Variants in NEK10 observed in about 807,000 individuals in gnomAD.
NEK10 encodes the protein NIMA related kinase 10.
In NEK10, 122 loss-of-function variants were observed where a neutral mutation model predicts 159.8. The ratio of observed to expected loss-of-function variants is 0.76; its 90% CI spans 0.66 to 0.89. The LOEUF is 0.89. Ranked by LOEUF, NEK10 falls within the 40% of genes least tolerant of loss-of-function variation. NEK10 has a pLI of 0.00. For missense variants in NEK10, 1,342 were observed against 1,323.1 expected (o/e 1.01, Z -0.22); for synonymous variants, 466 against 457.1 (o/e 1.02, Z -0.25).
At position 27,286,539 on chromosome 3, in the gene NEK10, G is replaced by A. The variant is rs192220773; in HGVS notation, c.1789+1159C>T. The stretch of plus-strand genomic sequence containing the variant: ...TGGGATTACAGGCGCCTGCCACCAC[G>A]CCCAGCTTTTTTTTTTTTTTTTTTT... On this transcript the variant is annotated intron_variant, in intron 20 of 35. Coordinates refer to ENST00000691995, the MANE Select transcript of NEK10 (RefSeq NM_001394966.1). Among the ~76,000 whole-genome samples the A allele has an allele frequency of 9.1e-3, 1,050 of 115,834 alleles. 16 individuals are homozygous for A. Among genetic ancestry groups the A allele is most frequent in the African/African-American group, 0.037 (966 of 25,840 alleles). The allele number at this position is 115,834 out of a possible 152,430, so 76.0% of individuals were successfully genotyped here. A position where few individuals can be genotyped will look rare whatever the true frequency, so the allele number is the denominator to read the frequency against.
At chr3:27,312,912 C>A (rs1038454056) in intron 7 of NEK10, among the ~76,000 whole-genome samples, 1 of 151,966 alleles carries the variant, frequency 6.6e-6, no homozygotes, top group South Asian at 2.1e-4. Flanking sequence ...AAATTGCCAC[C>A]AACTTAATCT....
intron 23 of NEK10, among the ~76,000 whole-genome samples, chr3:27,213,771 C>G (rs138864884): frequency 1.3e-5 from 2 of 152,068 alleles, no homozygotes; most frequent in South Asian, 2.1e-4. Context: ...TAGCATCACA[C>G]GACAGATAGC....
intron 23 of NEK10, among the ~76,000 whole-genome samples, chr3:27,220,976 G>T (rs1442722548): frequency 6.6e-6 from 1 of 152,110 alleles, no homozygotes; most frequent in African/African-American, 2.4e-5. Context: ...ACATGCAAAA[G>T]GATGAAGTTG....
At chr3:27,273,735 A>G (rs752471686) in intron 22 of NEK10, among the ~76,000 whole-genome samples, 1 of 152,202 alleles carries the variant, frequency 6.6e-6, no homozygotes, top group Non-Finnish European at 1.5e-5. Context: ...CAACTGTGAA[A>G]CAGGCCAGAA....
At chr3:27,119,623 C>T (rs569228827) in intron 33 of NEK10, 137 bp downstream of exon 33, 26 of 608,804 alleles carry the variant, frequency 4.3e-5, no homozygotes, top group African/African-American at 3.7e-4. Flanking sequence ...ACCATATGTG[C>T]CTTCCAACTA....
Position 27,300,314 on chromosome 3 carries a change from C to T in NEK10, c.1168+1382G>A, listed in dbSNP as rs1285040654. 2.6e-5 allele frequency among the ~76,000 whole-genome samples: 4 copies of T among 152,020 alleles called. No individual in the cohort carries two copies. In the South Asian group the frequency reaches 8.3e-4, roughly 32 times the overall value. On this transcript the variant is annotated intron_variant, in intron 13 of 35. Transcript: ENST00000691995. ...TGAAAGTGCATGGAGTTTCCCTGCA[C>T]AAGCCCTCTCTTGCCTGCCATCATC...
chr3:27,343,298 T>A (rs2047329052), intron 5 of NEK10, among the ~76,000 whole-genome samples: 1 of 152,192 alleles, frequency 6.6e-6, no homozygotes, highest in African/African-American at 2.4e-5. Context: ...AGCTGACTCG[T>A]CATGGAGGAC....
intron 22 of NEK10, among the ~76,000 whole-genome samples, chr3:27,275,534 C>G (rs915651161): frequency 6.6e-6 from 1 of 152,116 alleles, no homozygotes; most frequent in Non-Finnish European, 1.5e-5. Flanking sequence ...GTACTCAAGT[C>G]GTGTCAGCTC....
At chr3:27,185,050 T>C (rs1375830877) in intron 26 of NEK10, among the ~76,000 whole-genome samples, 1 of 152,190 alleles carries the variant, frequency 6.6e-6, no homozygotes, top group Non-Finnish European at 1.5e-5. Flanking sequence ...ATGAAAAATA[T>C]CAGTATCTGT....
rs555141803 is a variant in NEK10 at position 27,251,116 on chromosome 3, T to G, written c.2090+5180A>C. On this transcript the variant is annotated intron_variant, in intron 23 of 35. Transcript: ENST00000691995. ...CACAATAATCCTAGGACATGGGCAC[T>G]ATTATTATCATCCCCAGGTTGCAGA... Among the ~76,000 whole-genome samples the G allele has an allele frequency of 7.9e-5, 12 of 152,280 alleles. No homozygotes were observed. In the East Asian group the frequency reaches 1.9e-3, roughly 24 times the overall value.
intron 11 of NEK10, among the ~76,000 whole-genome samples, chr3:27,307,056 T>C (rs1052375640): frequency 2.6e-5 from 4 of 152,162 alleles, no homozygotes; most frequent in African/African-American, 9.7e-5. Flanking sequence ...GTATCAGTTA[T>C]AGCACTGTTT....
Position 27,115,993 on chromosome 3 carries a change from A to G in NEK10, c.3246T>C (p.Thr1082=). ...EEGITYEQMQ[T]VIEEVLEESG... ...TTTCCTCAAGGACTTCTTCAATCAC[A>G]GTCTAAAATTTTAAAAATCAGGTTA... Residue 1082 remains threonine, a splice_region_variant and synonymous_variant, in exon 35 of 36, where the codon ACT becomes ACC. Coordinates refer to ENST00000691995, the MANE Select transcript of NEK10 (RefSeq NM_001394966.1). 1 of 1,612,994 alleles carries G rather than the reference A, an allele frequency of 6.2e-7. No homozygotes were observed. Among genetic ancestry groups the G allele is most frequent in the Non-Finnish European group, 8.5e-7 (1 of 1,179,218 alleles).
chr3:27,272,525 T>C (rs1291148541), intron 22 of NEK10, among the ~76,000 whole-genome samples: 1 of 152,200 alleles, frequency 6.6e-6, no homozygotes, highest in Non-Finnish European at 1.5e-5. Flanking sequence ...TTTTAATCCA[T>C]CCTACAGGGT....
At chr3:27,280,823 T>C (rs2042098283) in intron 22 of NEK10, among the ~76,000 whole-genome samples, 1 of 151,940 alleles carries the variant, frequency 6.6e-6, no homozygotes, top group Non-Finnish European at 1.5e-5. Context: ...CAGATAATAC[T>C]AAGCAGGAAT....
At chr3:27,223,765 A>T (rs1244735046) in intron 23 of NEK10, among the ~76,000 whole-genome samples, 1 of 151,996 alleles carries the variant, frequency 6.6e-6, no homozygotes, top group African/African-American at 2.4e-5. Context: ...ATGTCTCCTT[A>T]CCAGCCAGAA....
At chr3:27,136,709 T>C (rs1288703177) in intron 31 of NEK10, among the ~76,000 whole-genome samples, 1 of 152,134 alleles carries the variant, frequency 6.6e-6, no homozygotes, top group Non-Finnish European at 1.5e-5. Flanking sequence ...GTCAAATCAG[T>C]TAGAAAGCAA....
chr3:27,241,591 A>C (rs1954565592), intron 23 of NEK10, among the ~76,000 whole-genome samples: 1 of 152,224 alleles, frequency 6.6e-6, no homozygotes, highest in African/African-American at 2.4e-5. Flanking sequence ...AATTGCCCAC[A>C]GTGGTAACTT....
At chr3:27,365,619 T>TTTTTTTTTTTTTTTTTTTTG (rs1559571627) in intron 1 of NEK10, among the ~76,000 whole-genome samples, 3 of 137,828 alleles carry the variant, frequency 2.2e-5, no homozygotes, top group African/African-American at 5.5e-5. Context: ...TGTTTTTTTT[T>TTTTTTTTTTTTTTTTTTTTG]TTTTTTTTTT....
intron 31 of NEK10, 147 bp downstream of exon 31, chr3:27,141,335 T>C (rs747623037): frequency 5.7e-6 from 3 of 523,074 alleles, no homozygotes; most frequent in Non-Finnish European, 1.0e-5. Flanking sequence ...CCAGCTCTGC[T>C]GCTAAACTAA....
Sources: allele counts gnomAD v4.1 joint callset (sites outside exome capture counted in the v4.1 genomes callset), GRCh38; gene constraint gnomAD v4.1.1; transcripts MANE v1.5; gene names NCBI Gene and HGNC (gene_info 2026-07-23, HGNC 2026-07-21).